ITGB5: variants seen among roughly 807,000 people sequenced by gnomAD.
The protein encoded by ITGB5 is integrin beta-5.
ITGB5 carries 38 observed loss-of-function variants against 84.8 expected under a neutral mutation model. The observed-to-expected ratio is 0.45, with a 90% CI of 0.35 to 0.59. The LOEUF is 0.59. Among genes scored for constraint, ITGB5 ranks in the 20% least tolerant of loss-of-function variants. The pLI is 0.01. For synonymous variants in ITGB5, 393 were observed against 414.4 expected (o/e 0.95, Z 0.63); for missense variants, 905 against 1,034.5 (o/e 0.87, Z 1.72).
intron 9 of ITGB5, among the ~76,000 whole-genome samples, chr3:124,800,922 C>A (rs566457687): frequency 1.3e-5 from 2 of 152,216 alleles, no homozygotes; most frequent in East Asian, 1.9e-4. Context: ...GACACAGCAG[C>A]CCTCCCACTC....
rs60292129 is a variant in ITGB5, at chr3:124,798,055, C to CTT, written c.1264-1240_1264-1239dup. Reference sequence around the variant, plus strand: ...TTCTATTCTTTCGGCTAGAATAAAGCTTTTTTTTTTTTTTTTGAGGTGGAG... The same window carrying CTT: ...TTCTATTCTTTCGGCTAGAATAAAGCTTTTTTTTTTTTTTTTTTGAGGTGGAG... On this transcript the variant is annotated intron_variant, in intron 9 of 14. Coordinates refer to ENST00000296181, the MANE Select transcript of ITGB5 (RefSeq NM_002213.5). Among the ~76,000 whole-genome samples the CTT allele has an allele frequency of 7.4e-3, 772 of 103,626 alleles. 48 individuals carry two copies. Among genetic ancestry groups the CTT allele is most frequent in the Non-Finnish European group, 0.012 (625 of 54,016 alleles). The allele number at this position is 103,626 out of a possible 152,430, so 68.0% of individuals were successfully genotyped here.
intron 1 of ITGB5, among the ~76,000 whole-genome samples, chr3:124,875,765 A>G (rs1225533615): frequency 6.6e-6 from 1 of 152,244 alleles, no homozygotes; most frequent in Non-Finnish European, 1.5e-5. Flanking sequence ...AGATGAATAA[A>G]GAAAATGTGG....
At chr3:124,888,304 G>A (rs1305443665), upstream of ITGB5, among the ~76,000 whole-genome samples, 2 of 152,148 alleles carry the variant, frequency 1.3e-5, no homozygotes, top group Non-Finnish European at 2.9e-5. Flanking sequence ...CTGATAATCT[G>A]TCAGTTTCCA....
chr3:124,823,971 C>G (rs1357086876), intron 5 of ITGB5, among the ~76,000 whole-genome samples: 4 of 152,258 alleles, frequency 2.6e-5, no homozygotes, highest in South Asian at 4.1e-4. Flanking sequence ...GATATCATTT[C>G]AGGATTGGAA....
chr3:124,875,582 C>T (rs1438697889), intron 1 of ITGB5, among the ~76,000 whole-genome samples: 3 of 151,846 alleles, frequency 2.0e-5, no homozygotes, highest in Admixed American at 6.6e-5. Context: ...ATTAGTACAG[C>T]TATTATGGAA....
chr3:124,823,760 G>A (rs533287186), intron 5 of ITGB5, among the ~76,000 whole-genome samples: 1 of 152,116 alleles, frequency 6.6e-6, no homozygotes, highest in African/African-American at 2.4e-5. Flanking sequence ...AAAAGAGGGA[G>A]CCAGATGCTT....
At chr3:124,865,407 C>G (rs2065371362) in intron 2 of ITGB5, among the ~76,000 whole-genome samples, 1 of 151,398 alleles carries the variant, frequency 6.6e-6, no homozygotes, top group East Asian at 1.9e-4. Context: ...CCAGAAATGC[C>G]CTTATCAAAC....
intron 5 of ITGB5, among the ~76,000 whole-genome samples, chr3:124,832,526 A>T (rs950487794): frequency 1.3e-5 from 2 of 152,240 alleles, no homozygotes; most frequent in Admixed American, 1.3e-4. Context: ...CATTAGCACC[A>T]GCACCTCACC....
At chr3:124,804,645 T>C (rs1337197606) in intron 9 of ITGB5, among the ~76,000 whole-genome samples, 2 of 151,990 alleles carry the variant, frequency 1.3e-5, no homozygotes, top group Non-Finnish European at 2.9e-5. Context: ...TCAACTGGCA[T>C]TACTTTTTAT....
intron 3 of ITGB5, among the ~76,000 whole-genome samples, chr3:124,858,001 G>A (rs1261462461): frequency 6.6e-6 from 1 of 152,020 alleles, no homozygotes; most frequent in Non-Finnish European, 1.5e-5. Context: ...AATTAGCTGG[G>A]CGTGGTGGTA....
intron 1 of ITGB5, among the ~76,000 whole-genome samples, chr3:124,899,267 T>C (rs541663697): frequency 1.8e-4 from 28 of 152,302 alleles, no homozygotes; most frequent in Admixed American, 7.8e-4. Context: ...ACTTAATTTT[T>C]ACATTCAATA....
At chr3:124,766,437 G>A (rs1195134382) in intron 12 of ITGB5, 92 bp from the exon 13 acceptor site, 1 of 1,500,512 alleles carries the variant, frequency 6.7e-7, no homozygotes, top group African/African-American at 1.4e-5. Context: ...CCTTGAAAAA[G>A]GAAAGGGCAT....
chr3:124,871,854 T>TAATA (rs140275514), intron 2 of ITGB5, among the ~76,000 whole-genome samples: 39 of 149,582 alleles, frequency 2.6e-4, no homozygotes, highest in South Asian at 1.3e-3. Flanking sequence ...TAAAAATAAA[T>TAATA]AATAAATAAA....
At chr3:124,801,295 G>A (rs181598049) in intron 9 of ITGB5, among the ~76,000 whole-genome samples, 8 of 152,288 alleles carry the variant, frequency 5.3e-5, no homozygotes, top group African/African-American at 1.9e-4. Context: ...TAGGATAAAG[G>A]GAGGAAAATT....
upstream of ITGB5, among the ~76,000 whole-genome samples, chr3:124,889,292 G>A (rs1934941937): frequency 6.6e-6 from 1 of 152,156 alleles, no homozygotes; most frequent in African/African-American, 2.4e-5. Context: ...TCAGTGGAAG[G>A]CTGATCAAGG....
In ITGB5 at chr3:124,763,593, C is replaced by A; in HGVS notation, c.*30G>T. ...TTTCAGTCTGACCTTTTCATCAGAT[C>A]CCCGCTCCAGCCCCTCGGAGAAGGA... On this transcript the variant is annotated 3_prime_UTR_variant, in exon 15 of 15. Transcript: ENST00000296181. 7.3e-7 allele frequency: 1 copy of A among 1,374,008 alleles called. No homozygotes were observed. Among genetic ancestry groups the A allele is most frequent in the South Asian group, 1.2e-5 (1 of 85,570 alleles). The allele number at this position is 1,374,008 out of a possible 1,614,324, so 85.1% of individuals were successfully genotyped here.
chr3:124,766,803 A>G (rs960925787), intron 12 of ITGB5, among the ~76,000 whole-genome samples: 3 of 152,132 alleles, frequency 2.0e-5, no homozygotes, highest in African/African-American at 2.4e-5. Context: ...AGAGGCAGCA[A>G]CTCCTTCCTG....
intron 8 of ITGB5, among the ~76,000 whole-genome samples, chr3:124,816,969 A>G (rs1257819501): frequency 6.6e-6 from 1 of 152,236 alleles, no homozygotes; most frequent in East Asian, 1.9e-4. Context: ...CTGTAAAGCC[A>G]GCACTTTGGG....
At chr3:124,822,042 A>G (rs770898092) in intron 5 of ITGB5, among the ~76,000 whole-genome samples, 1 of 151,922 alleles carries the variant, frequency 6.6e-6, no homozygotes, top group Admixed American at 6.6e-5. Flanking sequence ...AAACCATTCC[A>G]ATTGTTATTT....
Sources: allele counts gnomAD v4.1 joint callset (sites outside exome capture counted in the v4.1 genomes callset), GRCh38; gene constraint gnomAD v4.1.1; transcripts MANE v1.5; gene names NCBI Gene and HGNC (gene_info 2026-07-23, HGNC 2026-07-21).